The following PABPC4 variants were observed in gnomAD, a reference collection of about 807,000 sequenced individuals.
PABPC4 encodes poly(A) binding protein cytoplasmic 4.
In PABPC4, 15 loss-of-function variants were observed where a neutral mutation model predicts 74.5. That is an observed-to-expected ratio of 0.20 (90% CI 0.13 to 0.31). The LOEUF (loss-of-function observed/expected upper bound fraction) is 0.31, where lower values mean the gene tolerates loss of function less well. Ranked by LOEUF, PABPC4 falls within the 10% of genes least tolerant of loss-of-function variation. The pLI, the probability that PABPC4 is intolerant of heterozygous loss-of-function variation, is 1.00. For missense variants in PABPC4, 610 were observed against 853.5 expected, an observed-to-expected ratio of 0.71 and a Z score of 3.55; for synonymous variants, 345 against 303.0, an observed-to-expected ratio of 1.14 and a Z score of -1.44.
chr1:39,574,404 A>G (rs1645986825), intron 1 of PABPC4, among the ~76,000 whole-genome samples: 1 of 152,256 alleles, frequency 6.6e-6, no homozygotes, highest in Non-Finnish European at 1.5e-5. Context: ...ATCTGGCTGC[A>G]CTTATTTATA....
At chr1:39,571,539 C>G in intron 2 of PABPC4, 190 bp from the exon 3 acceptor site, 1 of 623,616 alleles carries the variant, frequency 1.6e-6, no homozygotes, top group Non-Finnish European at 2.8e-6. Context: ...ACAAAGGTAG[C>G]CCTACTAAGA....
At chr1:39,568,703 C>T (rs1645890481) in intron 6 of PABPC4, 99 bp downstream of exon 6, 2 of 1,099,066 alleles carry the variant, frequency 1.8e-6, no homozygotes, top group Non-Finnish European at 2.7e-6. Flanking sequence ...AAGAAGAACA[C>T]ACTCCAAGTC....
Position 39,576,126 on chromosome 1 carries a change from G to A in PABPC4, c.-175C>T, listed in dbSNP as rs567778370. The A allele has an allele frequency of 1.6e-4, 82 of 515,608 alleles. No individual in the cohort carries two copies. In the Admixed American group the frequency reaches 3.0e-3, roughly 19 times the overall value. 31.9% of individuals were successfully genotyped at this position (515,608 alleles called of 1,614,324 possible). A position where few individuals can be genotyped will look rare whatever the true frequency, so the allele number is the denominator to read the frequency against. The stretch of plus-strand genomic sequence containing the variant: ...GAGACGGGACGGAAACGGGAGGCGG[G>A]GGCCGGCTCCCACGGCCGCAGCACC... On this transcript the variant is annotated 5_prime_UTR_variant, in exon 1 of 16. Coordinates refer to ENST00000372858, the MANE Select transcript of PABPC4 (RefSeq NM_001135653.2).
rs1245991256 is a variant in PABPC4, at chr1:39,560,958, T to G, written c.*178A>C. On this transcript the variant is annotated 3_prime_UTR_variant, in exon 16 of 16. Coordinates refer to ENST00000372858, the MANE Select transcript of PABPC4 (RefSeq NM_001135653.2). ...GCCACAGCAGAACCCAAAGAACATA[T>G]TCGTATAATTGAAAAATTCTAGGTG... 1 of 321,342 alleles carries G rather than the reference T, an allele frequency of 3.1e-6. No homozygotes were observed. Among genetic ancestry groups the G allele is most frequent in the African/African-American group, 2.2e-5 (1 of 46,354 alleles). The allele number at this position is 321,342 out of a possible 1,614,324, so 19.9% of individuals were successfully genotyped here.
At chr1:39,572,063 G>A (rs948556183) in intron 2 of PABPC4, among the ~76,000 whole-genome samples, 4 of 152,210 alleles carry the variant, frequency 2.6e-5, no homozygotes, top group Admixed American at 6.5e-5. Context: ...GTGAATTTAT[G>A]CTTCTAAAGT....
intron 8 of PABPC4, 151 bp downstream of exon 8, chr1:39,564,955 T>A: frequency 1.1e-6 from 1 of 940,968 alleles, no homozygotes; most frequent in Non-Finnish European, 1.6e-6. Flanking sequence ...GGGTGTGTGT[T>A]TGTGACCATG....
chr1:39,571,454 A>G, intron 2 of PABPC4, 105 bp from the exon 3 acceptor site: 1 of 1,331,704 alleles, frequency 7.5e-7, no homozygotes, highest in Non-Finnish European at 1.1e-6. Context: ...ATCCATGGCC[A>G]ATGGTGGTCA....
intron 1 of PABPC4, among the ~76,000 whole-genome samples, chr1:39,575,505 C>T (rs1474179236): frequency 1.3e-5 from 2 of 152,240 alleles, no homozygotes; most frequent in African/African-American, 2.4e-5. Flanking sequence ...TTTACAGTCT[C>T]CTTGGTTTCC....
In PABPC4 at chr1:39,564,646, G is replaced by A. The variant is rs1000078619; in HGVS notation, c.1333+40C>T. On this transcript the variant is annotated intron_variant, in intron 9 of 15. Transcript: ENST00000372858. Reference sequence around the variant, plus strand: ...GGAAAGGCAGGGGAGACCAGGACAGGTATATCCTGGGCTGTCAATTACTGT... The same window carrying A: ...GGAAAGGCAGGGGAGACCAGGACAGATATATCCTGGGCTGTCAATTACTGT... The A allele has an allele frequency of 2.5e-6, 4 of 1,601,052 alleles. No homozygotes were observed. In the Admixed American group the frequency reaches 5.0e-5, roughly 20 times the overall value.
At chr1:39,572,750 G>A (rs899106485) in intron 1 of PABPC4, 164 bp from the exon 2 acceptor site, 1 of 538,180 alleles carries the variant, frequency 1.9e-6, no homozygotes, top group African/African-American at 1.9e-5. Flanking sequence ...TGCACTGTTA[G>A]TAAGGGAAGC....
chr1:39,566,825 G>A (rs115000761), intron 7 of PABPC4, among the ~76,000 whole-genome samples: 2 of 150,784 alleles, frequency 1.3e-5, no homozygotes, highest in South Asian at 2.1e-4. Context: ...GCCAGTCAAG[G>A]GGGGGGTCAT....
chr1:39,562,097 C>T lies in PABPC4; in HGVS notation c.1869G>A (p.Glu623=). ...IDNSELLHML[E]SPESLRSKVD... ...CCTTGGAGCGGAGAGACTCGGGGGA[C>T]TCTAACATGTGCAGCAGCTCAGAGT... Residue 623 remains glutamate (E), a synonymous_variant, in exon 14 of 16, where the codon GAG becomes GAA. Coordinates refer to ENST00000372858, the MANE Select transcript of PABPC4 (RefSeq NM_001135653.2). The T allele has an allele frequency of 6.2e-7, 1 of 1,613,354 alleles. No individual in the cohort carries two copies. Among genetic ancestry groups the T allele is most frequent in the Non-Finnish European group, 8.5e-7 (1 of 1,180,014 alleles).
chr1:39,564,018 C>T (rs1208539066), intron 10 of PABPC4, 96 bp from the exon 11 acceptor site: 3 of 1,078,180 alleles, frequency 2.8e-6, no homozygotes, highest in Non-Finnish European at 4.2e-6. Flanking sequence ...GTTTACGCAA[C>T]ACATTGCACA....
rs1490320313 is a variant in PABPC4 at position 39,569,698 on chromosome 1, A to G, written c.644-9T>C. ...GACACTTAGGGTCTTACCTATTACC[A>G]AAGGACAGAACTATTAGTAACACCA... On this transcript the variant is annotated splice_polypyrimidine_tract_variant and intron_variant, in intron 4 of 15. Transcript: ENST00000372858. 2 of 1,607,974 alleles carry G rather than the reference A, an allele frequency of 1.2e-6. No homozygotes were observed. Among genetic ancestry groups the G allele is most frequent in the South Asian group, 1.1e-5 (1 of 90,922 alleles).
chr1:39,563,887 C>G lies in PABPC4; in HGVS notation c.1489G>C (p.Gly497Arg), dbSNP rs778381976. 2.2e-5 allele frequency: 36 copies of G among 1,614,226 alleles called. No homozygotes were observed. The highest frequency in any genetic ancestry group is 3.1e-5 in the Non-Finnish European group (36 of 1,180,056). The change falls in exon 11 of 16, where the codon GGT (glycine) becomes CGT (arginine). Residue 497 changes from glycine (G) to arginine (R), a missense_variant. Around this residue, in one of 4 missense-constraint regions of PABPC4, gnomAD observed 277 missense variants for 301.8 expected, o/e 0.92. Transcript: ENST00000372858. Reference sequence around the variant, plus strand: ...CCTTGCTGGGCGGCACCAGCCCCACCAAAGTCCATAGCCAAGCGGTCCGGG... The same window carrying G: ...CCTTGCTGGGCGGCACCAGCCCCACGAAAGTCCATAGCCAAGCGGTCCGGG... ...ECPDRLAMDF[G>R]GAGAAQQGLT...
At chr1:39,561,179 A>C (rs17512855) in intron 15 of PABPC4, 57 bp from the exon 16 acceptor site, 14,498 of 467,434 alleles carry the variant, frequency 0.031, 338 homozygotes, top group Non-Finnish European at 0.046. Flanking sequence ...TAGATTCATT[A>C]ACATATAGTG....
intron 15 of PABPC4, chr1:39,561,444 A>T (rs933431849): frequency 2.1e-6 from 1 of 487,574 alleles, no homozygotes; most frequent in Non-Finnish European, 3.8e-6. Context: ...TTCTTTCCCT[A>T]TCTGGAGACA....
Position 39,567,765 on chromosome 1 carries a change from T to C in PABPC4, c.958A>G (p.Ile320Val), listed in dbSNP as rs377380605. The C allele has an allele frequency of 5.1e-6, 8 of 1,554,214 alleles. No individual in the cohort carries two copies. Among genetic ancestry groups the C allele is most frequent in the Middle Eastern group, 1.7e-4 (1 of 5,958 alleles). The change falls in exon 7 of 16, where the codon ATT becomes GTT. Residue 320 changes from isoleucine to valine, a missense_variant. This residue lies in a region of PABPC4 where 304 missense variants were observed against 478.9 expected (regional missense o/e 0.63). Transcript: ENST00000372858. Reference protein sequence around the residue: ...LRKEFSPFGSITSAKVMLEDG... With the variant: ...LRKEFSPFGSVTSAKVMLEDG... ...CAGTATAATACCTTAGCACTGGTAA[T>C]TGATCCAAAAGGAGAAAATTCTTTC... is the stretch of plus-strand genomic sequence containing the variant.
intron 7 of PABPC4, among the ~76,000 whole-genome samples, chr1:39,566,386 A>G (rs1169034220): frequency 6.6e-6 from 1 of 152,200 alleles, no homozygotes; most frequent in Non-Finnish European, 1.5e-5. Flanking sequence ...AGAGATAGGC[A>G]GCCTAGATTC....
Sources: allele counts gnomAD v4.1 joint callset (sites outside exome capture counted in the v4.1 genomes callset), GRCh38; gene constraint gnomAD v4.1.1; regional missense constraint gnomAD v4.1.1; transcripts MANE v1.5; gene names NCBI Gene and HGNC (gene_info 2026-07-23, HGNC 2026-07-21).